TUBGCP4: variants seen among roughly 807,000 people sequenced by gnomAD.
TUBGCP4 encodes the protein tubulin gamma complex component 4.
In TUBGCP4, 54 loss-of-function variants were observed where a neutral mutation model predicts 91.6. The ratio of observed to expected loss-of-function variants is 0.59; its 90% CI spans 0.47 to 0.74. The LOEUF is 0.74. TUBGCP4 is among the 30% of genes least tolerant of loss of function. The probability of loss-of-function intolerance (pLI) is 0.00; values close to 1 mark genes in which losing one functional copy is unlikely to be tolerated. For missense variants in TUBGCP4, 593 were observed against 800.9 expected (o/e 0.74, Z 3.13); for synonymous variants, 297 against 302.8 (o/e 0.98, Z 0.20).
rs113203652 is a variant in TUBGCP4 at position 43,396,107 on chromosome 15, TTC to T, written c.1171+432_1171+433del. ...ACCCCAGTGGGAAAACTTCGATTCA[TTC>T]TCTCTCTCTCTCATTCACTCATTCA... On this transcript the variant is annotated intron_variant, in intron 11 of 17. Transcript: ENST00000564079. Among the ~76,000 whole-genome samples, 342 of 152,014 alleles carry T rather than the reference TTC, an allele frequency of 2.2e-3. 2 individuals carry two copies. The highest frequency in any genetic ancestry group is 3.9e-3 in the Non-Finnish European group (263 of 67,954).
At chr15:43,392,774 C>T (rs2044499413) in intron 9 of TUBGCP4, among the ~76,000 whole-genome samples, 2 of 152,208 alleles carry the variant, frequency 1.3e-5, no homozygotes, top group Non-Finnish European at 2.9e-5. Flanking sequence ...GCTGGGATTA[C>T]AGGCATGAGC....
At position 43,408,997 on chromosome 15, in the gene TUBGCP4, C is replaced by T. The variant is rs1595516483; in HGVS notation, c.*3783C>T. 1 of 1,614,198 alleles carries T rather than the reference C, an allele frequency of 6.2e-7. No individual in the cohort carries two copies. Among genetic ancestry groups the T allele is most frequent in the Non-Finnish European group, 8.5e-7 (1 of 1,180,028 alleles). On this transcript the variant is annotated 3_prime_UTR_variant, in exon 18 of 18. Coordinates refer to ENST00000564079, the MANE Select transcript of TUBGCP4 (RefSeq NM_014444.5). ...GCATGGCAACTATCATGGACCCAGACATGAGACACACAAGGAATCCCACTG... is the reference window on the plus strand; with the variant it reads ...GCATGGCAACTATCATGGACCCAGATATGAGACACACAAGGAATCCCACTG...
chr15:43,377,135 A>G, intron 4 of TUBGCP4, 68 bp downstream of exon 4: 2 of 1,373,224 alleles, frequency 1.5e-6, no homozygotes, highest in Non-Finnish European at 2.1e-6. Context: ...AATTTATGGT[A>G]CTGTTTTTGA....
At position 43,409,686 on chromosome 15, in the gene TUBGCP4, T is replaced by C; in HGVS notation, c.*4472T>C. On this transcript the variant is annotated 3_prime_UTR_variant, in exon 18 of 18. Transcript: ENST00000564079. ...AATCTTCAAGGATATAGCCAGCTCC[T>C]GCTCGAAGCTGGGATTCTGTATACT... The C allele has an allele frequency of 6.3e-7, 1 of 1,577,966 alleles. No homozygotes were observed. Among genetic ancestry groups the C allele is most frequent in the Non-Finnish European group, 8.6e-7 (1 of 1,164,574 alleles).
Position 43,397,214 on chromosome 15 carries a change from A to C in TUBGCP4, c.1172A>C (p.Asp391Ala). The change falls in exon 12 of 18, where the codon GAT (aspartate) becomes GCT (alanine). Residue 391 changes from aspartate (D) to alanine (A), a missense_variant and splice_region_variant. By Grantham distance (126) the Asp-to-Ala change is moderately radical. Coordinates refer to ENST00000564079, the MANE Select transcript of TUBGCP4 (RefSeq NM_014444.5). ...TCAGCCTGCGTGTTCTTTCTTGCAG[A>C]TGTGAATGTGGCCTTTCAACAGTCA... ...KTPPTAVTEH[D>A]VNVAFQQSAH... 4 of 1,613,496 alleles carry C rather than the reference A, an allele frequency of 2.5e-6. No individual in the cohort carries two copies. The highest frequency in any genetic ancestry group is 3.4e-6 in the Non-Finnish European group (4 of 1,179,436).
At chr15:43,397,859 G>C (rs1178607288) in intron 12 of TUBGCP4, among the ~76,000 whole-genome samples, 182 bp from the exon 13 acceptor site, 1 of 152,204 alleles carries the variant, frequency 6.6e-6, no homozygotes, top group East Asian at 1.9e-4. Context: ...CTACAAGTGC[G>C]TGCCACCATG....
intron 7 of TUBGCP4, chr15:43,385,423 T>C (rs1381844935): frequency 2.2e-6 from 1 of 461,996 alleles, no homozygotes; most frequent in Non-Finnish European, 4.3e-6. Flanking sequence ...AAAGACAGTC[T>C]GGGACAGTGC....
Position 43,398,232 on chromosome 15 carries a change from G to A in TUBGCP4, c.1418+53G>A, listed in dbSNP as rs982604881. 6 of 1,578,928 alleles carry A rather than the reference G, an allele frequency of 3.8e-6. No individual in the cohort carries two copies. The African/African-American group carries it at 8.1e-5, about 21-fold the overall frequency. ...AAATATGACCCACCTTACTTGTAAG[G>A]GAAGAAACTAGCAGGAACAGAATTA... On this transcript the variant is annotated intron_variant, in intron 13 of 17. Coordinates refer to ENST00000564079, the MANE Select transcript of TUBGCP4 (RefSeq NM_014444.5).
chr15:43,395,278 C>G, intron 10 of TUBGCP4, 121 bp downstream of exon 10: 1 of 1,132,724 alleles, frequency 8.8e-7, no homozygotes, highest in Non-Finnish European at 1.3e-6. Flanking sequence ...CTCATTTGTT[C>G]TTATCCAAGT....
chr15:43,376,980 T>C (rs1256084890), intron 3 of TUBGCP4, 34 bp from the exon 4 acceptor site: 1 of 1,550,418 alleles, frequency 6.4e-7, no homozygotes, highest in South Asian at 1.1e-5. Context: ...AGATATTTTG[T>C]GTGGAGCTCT....
intron 1 of TUBGCP4, 75 bp from the exon 2 acceptor site, chr15:43,376,023 G>A: frequency 6.3e-7 from 1 of 1,589,582 alleles, no homozygotes; most frequent in Middle Eastern, 1.8e-4. Context: ...TAAATGTGTA[G>A]TATGAAGCGT....
At chr15:43,376,423 A>G in intron 2 of TUBGCP4, 80 bp from the exon 3 acceptor site, 1 of 1,613,152 alleles carries the variant, frequency 6.2e-7, no homozygotes, top group Non-Finnish European at 8.5e-7. Flanking sequence ...TATAACTTTT[A>G]AAAGAAACAA....
chr15:43,386,189 G>A lies in TUBGCP4; in HGVS notation c.890-17G>A, dbSNP rs2044355219. 1.3e-6 allele frequency: 2 copies of A among 1,599,992 alleles called. No individual in the cohort carries two copies. Among genetic ancestry groups the A allele is most frequent in the East Asian group, 4.5e-5 (2 of 44,638 alleles). On this transcript the variant is annotated splice_polypyrimidine_tract_variant and intron_variant, in intron 8 of 17. Transcript: ENST00000564079. ...GTATTCTCCGTCCTCCTTTGACGGT[G>A]TCTTCCTATTTTGCAGGATCCATTT...
At chr15:43,399,987 G>A (rs565437122) in intron 13 of TUBGCP4, 57 bp from the exon 14 acceptor site, 781 of 1,447,718 alleles carry the variant, frequency 5.4e-4, no homozygotes, top group Non-Finnish European at 7.0e-4. Flanking sequence ...TCTGTCGTGT[G>A]GGGGAAGTGC....
Position 43,406,229 on chromosome 15 carries a change from AGT to A in TUBGCP4, c.*1018_*1019del, listed in dbSNP as rs1354879137. ...ATCACTGGTAATCAATATTCATATCAGTGTAAGTAAAAAGAAATATTCACTGA... is the reference window on the plus strand; with the variant it reads ...ATCACTGGTAATCAATATTCATATCAGTAAGTAAAAAGAAATATTCACTGA... On this transcript the variant is annotated 3_prime_UTR_variant, in exon 18 of 18. Transcript: ENST00000564079. 4 of 175,058 alleles carry A rather than the reference AGT, an allele frequency of 2.3e-5. No homozygotes were observed. The highest frequency in any genetic ancestry group is 1.8e-4 in the Admixed American group (3 of 16,882). 10.8% of individuals were successfully genotyped at this position (175,058 alleles called of 1,614,324 possible).
At position 43,385,793 on chromosome 15, in the gene TUBGCP4, C is replaced by T. The variant is rs750890842; in HGVS notation, c.726C>T (p.Arg242=). The change falls in exon 8 of 18, where the codon CGC becomes CGT. Residue 242 remains arginine, a splice_region_variant and synonymous_variant. Coordinates refer to ENST00000564079, the MANE Select transcript of TUBGCP4 (RefSeq NM_014444.5). ...GKQLRELQDL[R]LIEEENMLAP... ...ATGTGTACTCTTTCCTTGACTAGCG[C>T]CTGATTGAGGAAGAGAACATGCTGG... 5.0e-6 allele frequency: 8 copies of T among 1,613,996 alleles called. No individual in the cohort carries two copies. The highest frequency in any genetic ancestry group is 6.8e-6 in the Non-Finnish European group (8 of 1,179,970).
intron 5 of TUBGCP4, among the ~76,000 whole-genome samples, chr15:43,378,420 A>G (rs561647166): frequency 2.0e-5 from 3 of 152,192 alleles, no homozygotes; most frequent in Non-Finnish European, 4.4e-5. Flanking sequence ...TGAGGAATAA[A>G]TGCTTTGAGA....
chr15:43,406,939 C>T lies in TUBGCP4; in HGVS notation c.*1725C>T. The T allele has an allele frequency of 4.1e-6, 1 of 242,848 alleles. No homozygotes were observed. Among genetic ancestry groups the T allele is most frequent in the South Asian group, 5.3e-5 (1 of 18,702 alleles). 15.0% of individuals were successfully genotyped at this position (242,848 alleles called of 1,614,324 possible). On this transcript the variant is annotated 3_prime_UTR_variant, in exon 18 of 18. Transcript: ENST00000564079. ...GAGGTCTTTTTTAACTGTCAGGAAA[C>T]AGAGCTGTGCCCAATTCCACTCAAC...
chr15:43,381,977 A>G (rs1234652014), intron 6 of TUBGCP4, among the ~76,000 whole-genome samples: 1 of 152,152 alleles, frequency 6.6e-6, no homozygotes, highest in Non-Finnish European at 1.5e-5. Context: ...TATTCCTAGC[A>G]CTTTGAGAGG....
Sources: allele counts gnomAD v4.1 joint callset (sites outside exome capture counted in the v4.1 genomes callset), GRCh38; gene constraint gnomAD v4.1.1; transcripts MANE v1.5; gene names NCBI Gene and HGNC (gene_info 2026-07-23, HGNC 2026-07-21).